NWD1: variants seen among roughly 807,000 people sequenced by gnomAD.
NWD1 encodes NACHT domain- and WD repeat-containing protein 1.
NWD1 carries 129 observed loss-of-function variants against 135.1 expected under a neutral mutation model. The ratio of observed to expected loss-of-function variants is 0.96; its 90% CI spans 0.83 to 1.11. The LOEUF is 1.11. Ranked by LOEUF, NWD1 falls within the 50% of genes least tolerant of loss-of-function variation. NWD1 has a pLI of 0.00. For synonymous variants in NWD1, 773 were observed against 786.0 expected, an observed-to-expected ratio of 0.98 and a Z score of 0.28; for missense variants, 1,740 against 1,851.3, an observed-to-expected ratio of 0.94 and a Z score of 1.10.
chr19:16,726,025 C>T lies in NWD1; in HGVS notation c.-7+1562C>T, dbSNP rs147382889. Among the ~76,000 whole-genome samples the T allele has an allele frequency of 2.2e-4, 33 of 148,656 alleles. No homozygotes were observed. The East Asian group carries it at 3.5e-3, about 16-fold the overall frequency. On this transcript the variant is annotated intron_variant, in intron 2 of 18. Transcript: ENST00000524140. ...TTGCCCAGGCTGGAGTGCAGTGGCA[C>T]GATCTTGGCTCACTGCAACCTCTGC... is the stretch of plus-strand genomic sequence containing the variant.
intron 6 of NWD1, among the ~76,000 whole-genome samples, chr19:16,754,721 A>G (rs989084137): frequency 6.9e-6 from 1 of 144,348 alleles, no homozygotes; most frequent in Non-Finnish European, 1.5e-5. Flanking sequence ...CCATCCATCC[A>G]TCATCTCTAT....
At chr19:16,771,772 GC>G (rs1568367882) in intron 10 of NWD1, among the ~76,000 whole-genome samples, 1 of 151,784 alleles carries the variant, frequency 6.6e-6, no homozygotes, top group Admixed American at 6.6e-5. Context: ...ATCCAAGCAC[GC>G]TGGCGAATGG....
At position 16,749,345 on chromosome 19, in the gene NWD1, C is replaced by G. The variant is rs772083264; in HGVS notation, c.703C>G (p.His235Asp). 1.2e-6 allele frequency: 2 copies of G among 1,613,780 alleles called. No homozygotes were observed. The highest frequency in any genetic ancestry group is 1.7e-6 in the Non-Finnish European group (2 of 1,179,848). The change falls in exon 6 of 19, where the codon CAC (histidine) becomes GAC (aspartate). Residue 235 changes from histidine to aspartate, a missense_variant. Physicochemically the swap from His to Asp is moderately conservative, Grantham distance 81 (BLOSUM62 -1). Coordinates refer to ENST00000524140, the MANE Select transcript of NWD1 (RefSeq NM_001007525.5). Reference sequence around the variant, plus strand: ...CCTCAAAAGTCACATCACTGACATGCACCCAGGGGTCCTCAAGACCCACCG... The same window carrying G: ...CCTCAAAAGTCACATCACTGACATGGACCCAGGGGTCCTCAAGACCCACCG... ...SSLKSHITDMHPGVLKTHRLP... is the reference protein window; with the variant it reads ...SSLKSHITDMDPGVLKTHRLP...
intron 16 of NWD1, among the ~76,000 whole-genome samples, chr19:16,799,319 C>T (rs1970521699): frequency 6.6e-6 from 1 of 152,088 alleles, no homozygotes; most frequent in Non-Finnish European, 1.5e-5. Context: ...CCTCAGCCTC[C>T]CGAGTAACTG....
intron 10 of NWD1, among the ~76,000 whole-genome samples, chr19:16,767,471 C>T (rs981416065): frequency 6.6e-6 from 1 of 152,070 alleles, no homozygotes; most frequent in Non-Finnish European, 1.5e-5. Flanking sequence ...AAAAATTTGT[C>T]AGGCGTGGTG....
intron 11 of NWD1, among the ~76,000 whole-genome samples, chr19:16,775,530 G>C (rs1328219137): frequency 6.6e-6 from 1 of 152,168 alleles, no homozygotes; most frequent in Non-Finnish European, 1.5e-5. Flanking sequence ...TGGGGAATAG[G>C]AGAAGCAGAT....
At chr19:16,743,231 G>T (rs977357093) in intron 4 of NWD1, among the ~76,000 whole-genome samples, 2 of 148,382 alleles carry the variant, frequency 1.3e-5, no homozygotes, top group African/African-American at 5.0e-5. Flanking sequence ...TTTCTTTAGA[G>T]ACAGGGTCTC....
At chr19:16,774,565 G>A (rs577537244) in intron 11 of NWD1, among the ~76,000 whole-genome samples, 127 of 148,388 alleles carry the variant, frequency 8.6e-4, no homozygotes, top group African/African-American at 2.9e-3. Flanking sequence ...GTTATTCATC[G>A]ATTCATCAAA....
chr19:16,799,734 C>A (rs2123098406), intron 16 of NWD1, 152 bp from the exon 17 acceptor site: 1 of 614,292 alleles, frequency 1.6e-6, no homozygotes, highest in Admixed American at 3.0e-5. Flanking sequence ...TCTCGAACTC[C>A]TGACCTCAGG....
chr19:16,796,123 T>C (rs1007995561), intron 15 of NWD1, among the ~76,000 whole-genome samples: 1 of 152,050 alleles, frequency 6.6e-6, no homozygotes, highest in Non-Finnish European at 1.5e-5. Flanking sequence ...TAGGTAGTAT[T>C]GGAAAACGTA....
intron 2 of NWD1, among the ~76,000 whole-genome samples, chr19:16,728,641 A>G (rs954466818): frequency 3.4e-4 from 51 of 151,708 alleles, no homozygotes; most frequent in African/African-American, 1.2e-3. Flanking sequence ...CGGGGAATGG[A>G]CACATAAATT....
chr19:16,794,380 T>TAAAAATTA (rs1970349503), intron 14 of NWD1, 83 bp from the exon 15 acceptor site: 7 of 773,792 alleles, frequency 9.0e-6, no homozygotes, highest in Non-Finnish European at 1.5e-5. Context: ...ACAAAAAAAA[T>TAAAAATTA]AAAAATTAAA....
chr19:16,757,787 C>T (rs142853739), intron 6 of NWD1, among the ~76,000 whole-genome samples: 4 of 152,322 alleles, frequency 2.6e-5, no homozygotes, highest in African/African-American at 9.6e-5. Context: ...GGTGCAGTGG[C>T]TCACGCCTAA....
intron 12 of NWD1, among the ~76,000 whole-genome samples, chr19:16,788,091 G>C (rs2123037397): frequency 6.8e-6 from 1 of 148,110 alleles, no homozygotes; most frequent in East Asian, 2.0e-4. Context: ...TTTGCCAAGT[G>C]TGGTGGTGGG....
intron 18 of NWD1, chr19:16,812,824 C>T (rs961057035): frequency 1.3e-6 from 1 of 781,066 alleles, no homozygotes; most frequent in Non-Finnish European, 2.4e-6. Flanking sequence ...AAGGATCGCT[C>T]TATACTTGTT....
Position 16,749,236 on chromosome 19 carries a change from C to T in NWD1, c.594C>T (p.His198=). ...GAGAGATCCAAGACCTCCACAAACACATCCTTGAAGACTGCGCCCTTAGGA... is the reference window on the plus strand; with the variant it reads ...GAGAGATCCAAGACCTCCACAAACATATCCTTGAAGACTGCGCCCTTAGGA... ...FLREIQDLHK[H]ILEDCALRMV... is the part of the protein sequence containing the mutation. Residue 198 remains histidine (H), a synonymous_variant, in exon 6 of 19, where the codon CAC becomes CAT. Transcript: ENST00000524140. 2 of 1,614,132 alleles carry T rather than the reference C, an allele frequency of 1.2e-6. No homozygotes were observed. Among genetic ancestry groups the T allele is most frequent in the Non-Finnish European group, 1.7e-6 (2 of 1,180,002 alleles).
At chr19:16,798,404 G>C (rs1207025211) in intron 16 of NWD1, among the ~76,000 whole-genome samples, 1 of 152,066 alleles carries the variant, frequency 6.6e-6, no homozygotes, top group Non-Finnish European at 1.5e-5. Flanking sequence ...GGGCCCAGGA[G>C]TTCGAGACCA....
intron 10 of NWD1, among the ~76,000 whole-genome samples, chr19:16,770,141 G>A (rs1350668634): frequency 6.6e-6 from 1 of 152,104 alleles, no homozygotes; most frequent in African/African-American, 2.4e-5. Flanking sequence ...CATTGATATG[G>A]TTTGGCTGTG....
At chr19:16,810,338 C>T (rs1169676981) in intron 18 of NWD1, among the ~76,000 whole-genome samples, 5 of 148,692 alleles carry the variant, frequency 3.4e-5, no homozygotes, top group Admixed American at 1.4e-4. Flanking sequence ...CCCGGGAGGC[C>T]GAGGCAGGAG....
Sources: gnomAD v4.1 joint callset for allele counts (sites outside exome capture counted in the v4.1 genomes callset) on GRCh38, gnomAD v4.1.1 for gene constraint, MANE v1.5 for transcripts, NCBI Gene and HGNC (gene_info 2026-07-23, HGNC 2026-07-21) for gene names.